Variants in SUGCT observed in about 807,000 individuals in gnomAD.
SUGCT encodes the protein succinyl-CoA:glutarate CoA-transferase.
In SUGCT, 41 loss-of-function variants were observed where a neutral mutation model predicts 55.0. That is an observed-to-expected ratio of 0.74 (90% confidence interval 0.58 to 0.97). SUGCT has a LOEUF of 0.97. SUGCT is among the 50% of genes least tolerant of loss of function. The pLI is 0.00. For missense variants in SUGCT, 568 were observed against 547.8 expected, an observed-to-expected ratio of 1.04 and a Z score of -0.37; for synonymous variants, 187 against 200.4, an observed-to-expected ratio of 0.93 and a Z score of 0.56.
rs116001271 is a variant in SUGCT at position 40,831,442 on chromosome 7, G to A, written c.1154-28874G>A. 3.3e-3 allele frequency among the ~76,000 whole-genome samples: 500 copies of A among 152,302 alleles called. 3 individuals carry two copies. The Middle Eastern group carries it at 0.037, about 11-fold the overall frequency. The stretch of plus-strand genomic sequence containing the variant: ...AGTGAGAGGGAGAACAGCCAGTGCT[G>A]GAAGACAGGCAGTGCCCAACTTTCA... On this transcript the variant is annotated intron_variant, in intron 13 of 13. Transcript: ENST00000335693.
Position 40,148,842 on chromosome 7 carries a change from G to A in SUGCT, c.100+13722G>A, listed in dbSNP as rs1022675983. On this transcript the variant is annotated intron_variant, in intron 1 of 13. Coordinates refer to ENST00000335693, the MANE Select transcript of SUGCT (RefSeq NM_001193313.2). ...TTGCTAGGGAGAATGAATGGATGCG[G>A]ATGGAGATTAACTGGTAAATAGTTC... Among the ~76,000 whole-genome samples the A allele has an allele frequency of 4.6e-5, 7 of 152,190 alleles. No homozygotes were observed. The East Asian group carries it at 1.3e-3, about 29-fold the overall frequency.
intron 13 of SUGCT, among the ~76,000 whole-genome samples, chr7:40,770,147 T>C (rs975933736): frequency 6.6e-6 from 1 of 152,218 alleles, no homozygotes; most frequent in Non-Finnish European, 1.5e-5. Context: ...AACACCATGC[T>C]GTTTTGTCTC....
At chr7:40,749,323 G>GT (rs1787890115) in intron 12 of SUGCT, 111 bp from the exon 13 acceptor site, 2 of 840,632 alleles carry the variant, frequency 2.4e-6, no homozygotes, top group Non-Finnish European at 4.1e-6. Context: ...ACACTTCTGT[G>GT]TTTTGCCATA....
chr7:40,462,449 A>AT (rs34871985), intron 11 of SUGCT, among the ~76,000 whole-genome samples: 46,169 of 151,330 alleles, frequency 0.31, 9,525 homozygotes, highest in African/African-American at 0.59. Context: ...GAAATAAAGG[A>AT]TTTTTTTTTC....
chr7:40,673,806 A>C (rs565975184), intron 12 of SUGCT, among the ~76,000 whole-genome samples: 1 of 152,220 alleles, frequency 6.6e-6, no homozygotes, highest in Non-Finnish European at 1.5e-5. Flanking sequence ...AGCCGATTCT[A>C]TCTTTCATGG....
At chr7:40,168,383 G>C (rs1456370227) in intron 1 of SUGCT, among the ~76,000 whole-genome samples, 1 of 152,202 alleles carries the variant, frequency 6.6e-6, no homozygotes, top group Non-Finnish European at 1.5e-5. Context: ...GTGCTAGCAG[G>C]CTGGTCCAGG....
the SUGCT span, among the ~76,000 whole-genome samples, chr7:40,990,213 A>G: frequency 6.6e-6 from 1 of 152,344 alleles, no homozygotes; most frequent in Admixed American, 6.5e-5. Context: ...TAGCAGGCAC[A>G]AAAACGACAT....
intron 9 of SUGCT, among the ~76,000 whole-genome samples, chr7:40,423,225 A>G (rs1562766482): frequency 6.6e-6 from 1 of 152,104 alleles, no homozygotes; most frequent in Non-Finnish European, 1.5e-5. Flanking sequence ...ATTTAATTTC[A>G]TTATTACTTT....
At chr7:40,427,928 A>G (rs1307387254) in intron 9 of SUGCT, among the ~76,000 whole-genome samples, 2 of 152,116 alleles carry the variant, frequency 1.3e-5, no homozygotes, top group African/African-American at 4.8e-5. Context: ...TGTGAGGTAC[A>G]TTTATTCCAT....
intron 9 of SUGCT, among the ~76,000 whole-genome samples, chr7:40,445,244 C>T (rs759729235): frequency 4.6e-5 from 7 of 151,978 alleles, no homozygotes; most frequent in Admixed American, 4.6e-4. Context: ...AATAGATAGA[C>T]CGCTAGCAAG....
At chr7:40,727,547 A>G (rs1786672112) in intron 12 of SUGCT, among the ~76,000 whole-genome samples, 2 of 152,212 alleles carry the variant, frequency 1.3e-5, no homozygotes, top group Admixed American at 1.3e-4. Context: ...TTCATGTCTG[A>G]TATCTGTGCT....
At chr7:40,344,117 A>G (rs1049741195) in intron 9 of SUGCT, among the ~76,000 whole-genome samples, 51 of 151,886 alleles carry the variant, frequency 3.4e-4, no homozygotes, top group African/African-American at 1.2e-3. Flanking sequence ...ATTTTATTCT[A>G]TTTCTTCCTT....
At chr7:40,649,926 C>T (rs1191806492) in intron 12 of SUGCT, among the ~76,000 whole-genome samples, 1 of 152,128 alleles carries the variant, frequency 6.6e-6, no homozygotes, top group South Asian at 2.1e-4. Flanking sequence ...TTAAAGCAAA[C>T]ATTTATTATC....
At chr7:41,031,303 T>C in the SUGCT span, among the ~76,000 whole-genome samples, 2 of 152,180 alleles carry the variant, frequency 1.3e-5, no homozygotes, top group Admixed American at 1.3e-4. Context: ...GTGAGGATGC[T>C]AGCAATATGG....
chr7:40,748,979 C>T (rs1787873942), intron 12 of SUGCT, among the ~76,000 whole-genome samples: 1 of 152,204 alleles, frequency 6.6e-6, no homozygotes, highest in Non-Finnish European at 1.5e-5. Flanking sequence ...ACTGGACTGA[C>T]TCCCCATACC....
intron 12 of SUGCT, among the ~76,000 whole-genome samples, chr7:40,567,057 A>C (rs1562866629): frequency 1.3e-5 from 2 of 152,238 alleles, no homozygotes; most frequent in Non-Finnish European, 2.9e-5. Context: ...CACACAATTC[A>C]AATAATCTCC....
At chr7:40,227,117 G>T (rs1043979794) in intron 6 of SUGCT, among the ~76,000 whole-genome samples, 2 of 145,360 alleles carry the variant, frequency 1.4e-5, no homozygotes, top group African/African-American at 5.0e-5. Flanking sequence ...CGCTGTATCG[G>T]CTCACTGCAA....
chr7:40,690,480 A>G (rs551703034), intron 12 of SUGCT, among the ~76,000 whole-genome samples: 29 of 152,258 alleles, frequency 1.9e-4, no homozygotes, highest in African/African-American at 6.7e-4. Flanking sequence ...TATGCTTAAT[A>G]TGTTAATTAT....
chr7:40,362,497 C>T (rs1798206153), intron 9 of SUGCT, among the ~76,000 whole-genome samples: 1 of 152,108 alleles, frequency 6.6e-6, no homozygotes, highest in Non-Finnish European at 1.5e-5. Context: ...CCAGCACCAT[C>T]AACCTGCTGT....
Sources: allele counts gnomAD v4.1 joint callset (sites outside exome capture counted in the v4.1 genomes callset), GRCh38; gene constraint gnomAD v4.1.1; transcripts MANE v1.5; gene names NCBI Gene and HGNC (gene_info 2026-07-23, HGNC 2026-07-21).